OTOGL: variants seen among roughly 807,000 people sequenced by gnomAD.
OTOGL encodes otogelin-like protein.
Under a neutral mutation model 318.5 loss-of-function variants are expected in OTOGL, and 285 were observed. The observed-to-expected ratio is 0.89, with a 90% CI of 0.81 to 0.99. The LOEUF is 0.99. Ranked by LOEUF, OTOGL falls within the 50% of genes least tolerant of loss-of-function variation. The pLI is 0.00. For synonymous variants in OTOGL, 987 were observed against 936.5 expected (o/e 1.05, Z -0.99); for missense variants, 2,899 against 2,845.6 (o/e 1.02, Z -0.43).
chr12:80,271,923 C>T (rs1314211046), intron 24 of OTOGL, 113 bp downstream of exon 24: 2 of 1,244,168 alleles, frequency 1.6e-6, no homozygotes, highest in South Asian at 1.6e-5. Flanking sequence ...TAGTGGTTAA[C>T]TGGGTTGGTA....
chr12:80,135,050 G>C (rs1200630605), intron 1 of OTOGL, among the ~76,000 whole-genome samples: 1 of 152,048 alleles, frequency 6.6e-6, no homozygotes, highest in Non-Finnish European at 1.5e-5. Context: ...CTCTGATTCT[G>C]TTTTATTTTT....
chr12:80,213,737 T>C (rs1391332368), intron 4 of OTOGL, among the ~76,000 whole-genome samples: 1 of 152,206 alleles, frequency 6.6e-6, no homozygotes, highest in African/African-American at 2.4e-5. Context: ...CTTGTACTAC[T>C]TCCTAAGGCT....
chr12:80,279,734 A>T (rs113510617), intron 26 of OTOGL, among the ~76,000 whole-genome samples: 182 of 151,912 alleles, frequency 1.2e-3, no homozygotes, highest in African/African-American at 3.9e-3. Context: ...TATTGTGAGT[A>T]GTGCTGCAAT....
At chr12:80,335,039 T>C (rs1283831277) in intron 38 of OTOGL, among the ~76,000 whole-genome samples, 2 of 152,158 alleles carry the variant, frequency 1.3e-5, no homozygotes, top group East Asian at 1.9e-4. Context: ...TCATATATTA[T>C]ATTGGAATGA....
chr12:80,182,543 G>A (rs910360116), intron 1 of OTOGL, among the ~76,000 whole-genome samples: 5 of 152,218 alleles, frequency 3.3e-5, no homozygotes, highest in Admixed American at 6.5e-5. Context: ...TTGACATAGA[G>A]GTTGGTTGAA....
intron 43 of OTOGL, 34 bp downstream of exon 43, chr12:80,339,298 G>GTTTTTTTGTTTTT: frequency 1.9e-6 from 1 of 535,102 alleles, no homozygotes; most frequent in South Asian, 3.2e-5. Flanking sequence ...GATTTCGTCT[G>GTTTTTTTGTTTTT]TTTTTTTTTT....
rs1467388246 is a variant in OTOGL, at chr12:80,266,573, G to C, written c.2347G>C (p.Glu783Gln). ...CTGTGCTGAAGGCTGTAATTGTCCG[G>C]AAGGCAAATTCTATGAAGACACTCT... is the stretch of plus-strand genomic sequence containing the variant. ...DDCAEGCNCP[E>Q]GKFYEDTLNF... is the part of the protein sequence containing the mutation. Residue 783 changes from glutamate to glutamine, a missense_variant, in exon 21 of 59, where the codon GAA becomes CAA. Around this residue, in one of 3 missense-constraint regions of OTOGL, gnomAD observed 2,607 missense variants for 2,524.9 expected, o/e 1.03. Transcript: ENST00000547103. 10 of 1,613,418 alleles carry C rather than the reference G, an allele frequency of 6.2e-6. No individual in the cohort carries two copies. The Admixed American group carries it at 1.0e-4, about 16-fold the overall frequency.
intron 1 of OTOGL, among the ~76,000 whole-genome samples, chr12:80,144,683 G>A (rs1294513604): frequency 1.3e-5 from 2 of 151,894 alleles, no homozygotes; most frequent in African/African-American, 2.4e-5. Flanking sequence ...CAGTGTAAAA[G>A]TGTTCCTATT....
rs566594887 is a variant in OTOGL, at chr12:80,313,675, A to C, written c.3607+43A>C. ...AACATCATTATGTAGAGAACTGATA[A>C]AGAGATACATATTAATTGTTGATTT... On this transcript the variant is annotated intron_variant, in intron 31 of 58. Coordinates refer to ENST00000547103, the MANE Select transcript of OTOGL (RefSeq NM_001378609.3). 6 of 1,477,816 alleles carry C rather than the reference A, an allele frequency of 4.1e-6. No homozygotes were observed. In the South Asian group the frequency reaches 7.6e-5, roughly 19 times the overall value. The allele number at this position is 1,477,816 out of a possible 1,614,324, so 91.5% of individuals were successfully genotyped here. A position where few individuals can be genotyped will look rare whatever the true frequency, so the allele number is the denominator to read the frequency against.
At chr12:80,162,895 A>G (rs1873609295) in intron 1 of OTOGL, among the ~76,000 whole-genome samples, 1 of 151,934 alleles carries the variant, frequency 6.6e-6, no homozygotes, top group Admixed American at 6.6e-5. Flanking sequence ...CCTTGCCCCC[A>G]CTGCTGAGAA....
rs1222766824 is a variant in OTOGL, at chr12:80,379,541, A to G, written c.*1493A>G. 1 of 150,920 alleles carries G rather than the reference A, an allele frequency of 6.6e-6. No homozygotes were observed. The highest frequency in any genetic ancestry group is 1.9e-4 in the East Asian group (1 of 5,140). The allele number at this position is 150,920 out of a possible 1,614,324, so 9.3% of individuals were successfully genotyped here. On this transcript the variant is annotated 3_prime_UTR_variant, in exon 59 of 59. Transcript: ENST00000547103. ...TGTGCTTAATATAAGTGTTCCTGAG[A>G]TGTTAACATTTCAATATTCTCTGAT...
intron 52 of OTOGL, among the ~76,000 whole-genome samples, chr12:80,365,437 A>T (rs1890470302): frequency 6.6e-6 from 1 of 152,156 alleles, no homozygotes; most frequent in Admixed American, 6.6e-5. Flanking sequence ...GGAAATGAGC[A>T]TAGAAGAGAA....
intron 6 of OTOGL, 111 bp downstream of exon 6, chr12:80,220,023 C>A: frequency 9.1e-6 from 7 of 769,536 alleles, no homozygotes; most frequent in Non-Finnish European, 6.2e-6. Context: ...AACTAGAGAG[C>A]CCACAATTCA....
chr12:80,324,114 C>A (rs937006257), intron 35 of OTOGL, among the ~76,000 whole-genome samples: 7 of 152,068 alleles, frequency 4.6e-5, no homozygotes, highest in Admixed American at 4.6e-4. Context: ...AGAAAATAAC[C>A]AAACAAAAAT....
chr12:80,374,045 G>A (rs937109552), intron 57 of OTOGL, among the ~76,000 whole-genome samples: 2 of 152,112 alleles, frequency 1.3e-5, no homozygotes, highest in African/African-American at 4.8e-5. Context: ...CATCTAATTT[G>A]TTATGATATT....
At chr12:80,169,204 T>A (rs1265677575) in intron 1 of OTOGL, among the ~76,000 whole-genome samples, 1 of 152,204 alleles carries the variant, frequency 6.6e-6, no homozygotes, top group Non-Finnish European at 1.5e-5. Flanking sequence ...ATTTTTTTCA[T>A]GTTTTCCTTT....
intron 1 of OTOGL, among the ~76,000 whole-genome samples, chr12:80,148,109 G>GT (rs1379274201): frequency 6.6e-6 from 1 of 151,364 alleles, no homozygotes; most frequent in Non-Finnish European, 1.5e-5. Context: ...ATGTTAGCTG[G>GT]TGATTTTGCT....
At chr12:80,357,805 T>C (rs1221317108) in intron 49 of OTOGL, among the ~76,000 whole-genome samples, 1 of 152,062 alleles carries the variant, frequency 6.6e-6, no homozygotes, top group Non-Finnish European at 1.5e-5. Flanking sequence ...CTCAAAAAGG[T>C]GTGGGTGGTG....
intron 26 of OTOGL, among the ~76,000 whole-genome samples, chr12:80,295,741 C>T (rs1172404530): frequency 6.6e-6 from 1 of 152,162 alleles, no homozygotes; most frequent in Non-Finnish European, 1.5e-5. Flanking sequence ...CATGTACTTT[C>T]TTCCTAGAAA....
Sources: gnomAD v4.1 joint callset for allele counts (sites outside exome capture counted in the v4.1 genomes callset) on GRCh38, gnomAD v4.1.1 for gene constraint, gnomAD v4.1.1 regional missense constraint, MANE v1.5 for transcripts, NCBI Gene and HGNC (gene_info 2026-07-23, HGNC 2026-07-21) for gene names.